CLNK: variants seen among roughly 807,000 people sequenced by gnomAD.
CLNK encodes the protein cytokine-dependent hematopoietic cell linker.
In CLNK, 74 loss-of-function variants were observed where a neutral mutation model predicts 68.6. That is an observed-to-expected ratio of 1.08 (90% CI 0.89 to 1.31). CLNK has a LOEUF of 1.31. CLNK is among the 50% of genes most tolerant of loss of function. The pLI is 0.00. For missense variants in CLNK, 553 were observed against 515.3 expected (o/e 1.07, Z -0.71); for synonymous variants, 198 against 172.2 (o/e 1.15, Z -1.17).
chr4:10,564,109 T>C (rs1253015981), intron 7 of CLNK, among the ~76,000 whole-genome samples: 3 of 151,600 alleles, frequency 2.0e-5, no homozygotes, highest in Non-Finnish European at 4.4e-5. Context: ...TTTTTCTTTT[T>C]TTTTTTTTTT....
At chr4:10,699,513 T>TATATATATATATATATTTTA in the CLNK span, among the ~76,000 whole-genome samples, 15 of 62,060 alleles carry the variant, frequency 2.4e-4, no homozygotes, top group African/African-American at 1.1e-3. Context: ...TATATATATA[T>TATATATATATATATATTTTA]TTTTTTTTTT....
At chr4:10,722,366 C>T in the CLNK span, among the ~76,000 whole-genome samples, 1 of 152,106 alleles carries the variant, frequency 6.6e-6, no homozygotes, top group African/African-American at 2.4e-5. Flanking sequence ...CTCCAACATC[C>T]CCTTCCAGCC....
chr4:10,543,584 ATTT>A (rs1719118453), intron 8 of CLNK, among the ~76,000 whole-genome samples: 1 of 152,122 alleles, frequency 6.6e-6, no homozygotes, highest in Admixed American at 6.6e-5. Context: ...TAAGGGCTTA[ATTT>A]CAGCCCGCTC....
chr4:10,666,993 C>T (rs1724425609), intron 2 of CLNK, among the ~76,000 whole-genome samples: 1 of 152,208 alleles, frequency 6.6e-6, no homozygotes, highest in Non-Finnish European at 1.5e-5. Context: ...CCTAGCCTCC[C>T]GCTAGGATCA....
At chr4:10,733,313 T>C in the CLNK span, among the ~76,000 whole-genome samples, 1 of 152,126 alleles carries the variant, frequency 6.6e-6, no homozygotes, top group South Asian at 2.1e-4. Flanking sequence ...CGGACATTCA[T>C]GACAACAGCC....
At chr4:10,558,489 T>C (rs754657104) in intron 7 of CLNK, 37 bp from the exon 8 acceptor site, 21 of 1,594,528 alleles carry the variant, frequency 1.3e-5, no homozygotes, top group Non-Finnish European at 1.8e-5. Flanking sequence ...TCTCTTCAGT[T>C]GTGACTATGA....
In CLNK at chr4:10,566,270, A is replaced by G. The variant is rs1050199866; in HGVS notation, c.151-120T>C. On this transcript the variant is annotated intron_variant, in intron 5 of 18. Transcript: ENST00000226951. ...TTAGCTGCAAGTTAAATATTTAAGA[A>G]TCTAGGGTCTGGGATCTTAAATAGA... 4.2e-6 allele frequency: 4 copies of G among 944,156 alleles called. No individual in the cohort carries two copies. In the Admixed American group the frequency reaches 6.9e-5, roughly 16 times the overall value. 58.5% of individuals were successfully genotyped at this position (944,156 alleles called of 1,614,324 possible).
chr4:10,604,469 A>C (rs777661212), intron 2 of CLNK, among the ~76,000 whole-genome samples: 7 of 152,152 alleles, frequency 4.6e-5, no homozygotes, highest in Non-Finnish European at 7.4e-5. Flanking sequence ...TGAGCAACTA[A>C]AGGAAGGTTC....
chr4:10,620,201 G>T (rs1237820342), intron 2 of CLNK, among the ~76,000 whole-genome samples: 1 of 152,134 alleles, frequency 6.6e-6, no homozygotes, highest in African/African-American at 2.4e-5. Context: ...TGAAGGATTT[G>T]AATCTGGAAA....
At chr4:10,526,052 T>C (rs1718306224) in intron 13 of CLNK, 130 bp from the exon 14 acceptor site, 1 of 615,208 alleles carries the variant, frequency 1.6e-6, no homozygotes, top group African/African-American at 1.9e-5. Flanking sequence ...CTCTTGATGG[T>C]CGGTGGAAAC....
At chr4:10,509,562 T>C (rs189730941) in intron 16 of CLNK, among the ~76,000 whole-genome samples, 1 of 151,896 alleles carries the variant, frequency 6.6e-6, no homozygotes, top group Non-Finnish European at 1.5e-5. Context: ...TTTGCTCTTG[T>C]TGCCCTGGCT....
the CLNK span, chr4:10,697,737 G>T: frequency 6.6e-6 from 1 of 152,116 alleles, no homozygotes. Flanking sequence ...GCTGCCTACT[G>T]GTTCCCAAAC....
chr4:10,536,706 A>T (rs1718773075), intron 11 of CLNK, among the ~76,000 whole-genome samples: 1 of 152,118 alleles, frequency 6.6e-6, no homozygotes, highest in Non-Finnish European at 1.5e-5. Context: ...AAATTCAATA[A>T]GAGAAAATAT....
chr4:10,579,404 G>GAT (rs997189791), intron 4 of CLNK, among the ~76,000 whole-genome samples: 3 of 152,008 alleles, frequency 2.0e-5, no homozygotes, highest in Non-Finnish European at 2.9e-5. Flanking sequence ...ATGAGAGAGA[G>GAT]AGAGATAGAG....
chr4:10,558,577 C>T, intron 7 of CLNK, 125 bp from the exon 8 acceptor site: 1 of 829,424 alleles, frequency 1.2e-6, no homozygotes, highest in South Asian at 1.6e-5. Flanking sequence ...CTCTGGTTTT[C>T]AATGTATGGT....
intron 2 of CLNK, among the ~76,000 whole-genome samples, chr4:10,617,083 G>A (rs1308586851): frequency 6.6e-6 from 1 of 152,026 alleles, no homozygotes; most frequent in Non-Finnish European, 1.5e-5. Context: ...TGTACTGTGA[G>A]AGTGAGTGCA....
At chr4:10,654,818 C>A (rs540581608) in intron 2 of CLNK, among the ~76,000 whole-genome samples, 27 of 152,044 alleles carry the variant, frequency 1.8e-4, no homozygotes, top group Non-Finnish European at 3.5e-4. Flanking sequence ...AAAATGATTT[C>A]TCGGCCAGGC....
chr4:10,674,223 C>T (rs761613338), intron 1 of CLNK, among the ~76,000 whole-genome samples: 2 of 150,638 alleles, frequency 1.3e-5, no homozygotes, highest in African/African-American at 2.4e-5. Flanking sequence ...CAGAAGGAGA[C>T]GTGTTGGGTG....
At chr4:10,655,334 C>CAGAGAGAGAGAGAA (rs1723931008) in intron 2 of CLNK, among the ~76,000 whole-genome samples, 1 of 135,326 alleles carries the variant, frequency 7.4e-6, no homozygotes, top group Non-Finnish European at 1.6e-5. Context: ...CCCCCAAAGA[C>CAGAGAGAGAGAGAA]AGAGAGAGAG....
Sources: allele counts gnomAD v4.1 joint callset (sites outside exome capture counted in the v4.1 genomes callset), GRCh38; gene constraint gnomAD v4.1.1; transcripts MANE v1.5; gene names NCBI Gene and HGNC (gene_info 2026-07-23, HGNC 2026-07-21).